Variants in VWA8 observed in about 807,000 individuals in gnomAD.
The protein encoded by VWA8 is von Willebrand factor A domain containing 8, also known as von Willebrand factor A domain-containing protein 8.
Under a neutral mutation model 241.5 loss-of-function variants are expected in VWA8, and 221 were observed. The observed-to-expected ratio is 0.91, with a 90% confidence interval of 0.82 to 1.02. The LOEUF is 1.02. Among genes scored for constraint, VWA8 ranks in the 50% least tolerant of loss-of-function variants. The pLI is 0.00. For missense variants in VWA8, 2,322 were observed against 2,328.7 expected (o/e 1.00, Z 0.06); for synonymous variants, 852 against 827.1 (o/e 1.03, Z -0.52).
intron 17 of VWA8, among the ~76,000 whole-genome samples, chr13:41,801,156 A>T (rs374493130): frequency 2.6e-5 from 4 of 151,546 alleles, no homozygotes; most frequent in Non-Finnish European, 5.9e-5. Context: ...ATTTTTATTT[A>T]TTTTTTTAAT....
intron 37 of VWA8, among the ~76,000 whole-genome samples, chr13:41,656,362 GC>G (rs1393455150): frequency 2.6e-5 from 4 of 152,268 alleles, no homozygotes; most frequent in Admixed American, 6.5e-5. Flanking sequence ...CCCTTCAACA[GC>G]TTTGTATTCC....
At chr13:41,837,793 C>T (rs1172435156) in intron 12 of VWA8, among the ~76,000 whole-genome samples, 1 of 152,102 alleles carries the variant, frequency 6.6e-6, no homozygotes, top group Non-Finnish European at 1.5e-5. Context: ...CAAGAAAAAT[C>T]AACATCCTTA....
chr13:41,919,941 C>A (rs1876434508), intron 2 of VWA8, among the ~76,000 whole-genome samples: 1 of 152,168 alleles, frequency 6.6e-6, no homozygotes, highest in Non-Finnish European at 1.5e-5. Context: ...CTCTGCCCTA[C>A]AGGTCAAATG....
chr13:41,620,417 C>T (rs1434103049), intron 37 of VWA8, among the ~76,000 whole-genome samples: 2 of 152,052 alleles, frequency 1.3e-5, no homozygotes, highest in African/African-American at 2.4e-5. Flanking sequence ...TTTCAAAAAA[C>T]CAGCTCCTGG....
At chr13:41,646,693 C>T (rs552690552) in intron 37 of VWA8, among the ~76,000 whole-genome samples, 1 of 152,178 alleles carries the variant, frequency 6.6e-6, no homozygotes. Context: ...AAGAAATATG[C>T]CTGAAAGGCA....
At chr13:41,632,265 T>C (rs2044731531) in intron 37 of VWA8, among the ~76,000 whole-genome samples, 1 of 152,238 alleles carries the variant, frequency 6.6e-6, no homozygotes, top group South Asian at 2.1e-4. Context: ...TGAAGCACTG[T>C]GCTTTTCTCA....
intron 12 of VWA8, among the ~76,000 whole-genome samples, chr13:41,843,217 A>G (rs1391118033): frequency 1.3e-5 from 2 of 152,212 alleles, no homozygotes; most frequent in Non-Finnish European, 2.9e-5. Context: ...GATGCAATAG[A>G]CTAAAACCCC....
At position 41,640,266 on chromosome 13, in the gene VWA8, G is replaced by C. The variant is rs186779274; in HGVS notation, c.4612-25182C>G. On this transcript the variant is annotated intron_variant, in intron 37 of 44. Coordinates refer to ENST00000379310, the MANE Select transcript of VWA8 (RefSeq NM_015058.2). ...GTCCAGGCTTAGGGAATGCCCACAG[G>C]AGCCAACTTCTGCTCTCCCTCACAT... Among the ~76,000 whole-genome samples the C allele has an allele frequency of 5.6e-4, 86 of 152,262 alleles. No individual in the cohort carries two copies. In the East Asian group the frequency reaches 7.7e-3, roughly 14 times the overall value.
rs114946451 is a variant in VWA8, at chr13:41,739,613, C to G, written c.2427-7458G>C. ...CCCAGGTCAAACAAAAAATAGTATA[C>G]AAATAAGCACTATGTTTGGAAAACT... On this transcript the variant is annotated intron_variant, in intron 21 of 44. Transcript: ENST00000379310. Among the ~76,000 whole-genome samples the G allele has an allele frequency of 3.6e-3, 550 of 152,100 alleles. 2 individuals are homozygous for G. The highest frequency in any genetic ancestry group is 0.013 in the African/African-American group (520 of 41,508).
Position 41,883,386 on chromosome 13 carries a change from C to T in VWA8, c.1080+1G>A, listed in dbSNP as rs1253969164. ...GGAAAGAAAGGGAAGCAGACACTCACCTTTAAAACACCTTCCACAGCCATC... is the reference window on the plus strand; with the variant it reads ...GGAAAGAAAGGGAAGCAGACACTCATCTTTAAAACACCTTCCACAGCCATC... On this transcript the variant is annotated splice_donor_variant, in intron 9 of 44. Transcript: ENST00000379310. LOFTEE classifies it high-confidence loss of function. The T allele has an allele frequency of 2.5e-6, 4 of 1,607,268 alleles. No individual in the cohort carries two copies. Among genetic ancestry groups the T allele is most frequent in the Non-Finnish European group, 3.4e-6 (4 of 1,174,258 alleles).
At chr13:41,764,262 TTA>T (rs920880762) in intron 20 of VWA8, among the ~76,000 whole-genome samples, 1 of 152,174 alleles carries the variant, frequency 6.6e-6, no homozygotes, top group African/African-American at 2.4e-5. Flanking sequence ...TGCAAAACTT[TTA>T]GTTTTATTCT....
At chr13:41,761,098 T>C (rs1566445829) in intron 21 of VWA8, 30 bp downstream of exon 21, 1 of 1,592,712 alleles carries the variant, frequency 6.3e-7, no homozygotes. Flanking sequence ...AAATGAGATT[T>C]TTAAGAGGTT....
chr13:41,655,090 A>ATT (rs35973790), intron 37 of VWA8, among the ~76,000 whole-genome samples: 34 of 138,222 alleles, frequency 2.5e-4, no homozygotes, highest in Non-Finnish European at 2.7e-4. Context: ...AAAAACTGAA[A>ATT]TTTTTTTTTT....
intron 1 of VWA8, among the ~76,000 whole-genome samples, chr13:41,956,773 T>C (rs1878367815): frequency 6.6e-6 from 1 of 152,318 alleles, no homozygotes; most frequent in South Asian, 2.1e-4. Flanking sequence ...ACAACATGAA[T>C]GTGCAAGAAT....
At chr13:41,681,045 C>G (rs2045095137) in intron 35 of VWA8, among the ~76,000 whole-genome samples, 1 of 152,196 alleles carries the variant, frequency 6.6e-6, no homozygotes, top group South Asian at 2.1e-4. Flanking sequence ...AAGAATCCTG[C>G]TAAGTCAGTT....
At chr13:41,950,667 C>CT (rs373790890) in intron 1 of VWA8, among the ~76,000 whole-genome samples, 25,433 of 119,460 alleles carry the variant, frequency 0.21, 3,079 homozygotes, top group East Asian at 0.26. Flanking sequence ...CACACTCAGC[C>CT]TTTTTTTTTT....
chr13:41,586,404 C>CG (rs1566377227), intron 42 of VWA8, among the ~76,000 whole-genome samples: 1 of 152,180 alleles, frequency 6.6e-6, no homozygotes, highest in East Asian at 1.9e-4. Context: ...CTACTCCCCA[C>CG]GGTGAAAGTC....
intron 20 of VWA8, among the ~76,000 whole-genome samples, chr13:41,773,360 A>T (rs537991262): frequency 6.6e-6 from 1 of 152,226 alleles, no homozygotes; most frequent in Non-Finnish European, 1.5e-5. Flanking sequence ...GAAAAGCATG[A>T]AATACCATTG....
intron 37 of VWA8, among the ~76,000 whole-genome samples, chr13:41,644,624 C>T (rs1455072030): frequency 2.0e-5 from 3 of 152,182 alleles, no homozygotes; most frequent in Non-Finnish European, 2.9e-5. Context: ...CCCCACGAGG[C>T]GGGGGATGGC....
Sources: gnomAD v4.1 joint callset for allele counts (sites outside exome capture counted in the v4.1 genomes callset) on GRCh38, gnomAD v4.1.1 for gene constraint, MANE v1.5 for transcripts, NCBI Gene and HGNC (gene_info 2026-07-23, HGNC 2026-07-21) for gene names.